Variants in KDM3A observed in about 807,000 individuals in gnomAD.
The protein encoded by KDM3A is lysine demethylase 3A.
Under a neutral mutation model 158.0 loss-of-function variants are expected in KDM3A, and 60 were observed. The ratio of observed to expected loss-of-function variants is 0.38; its 90% CI spans 0.31 to 0.47. The LOEUF (loss-of-function observed/expected upper bound fraction) is 0.47, where lower values mean the gene tolerates loss of function less well. KDM3A is among the 20% of genes least tolerant of loss of function. KDM3A has a pLI of 0.99. For synonymous variants in KDM3A, 608 were observed against 549.3 expected (o/e 1.11, Z -1.49); for missense variants, 1,319 against 1,574.3 (o/e 0.84, Z 2.74).
At chr2:86,470,611 C>CA (rs1483684426) in intron 11 of KDM3A, among the ~76,000 whole-genome samples, 1 of 151,906 alleles carries the variant, frequency 6.6e-6, no homozygotes, top group African/African-American at 2.4e-5. Context: ...TTTAAAGTAA[C>CA]AAAGCTTAAA....
chr2:86,486,414 C>G (rs1674183066), intron 21 of KDM3A, among the ~76,000 whole-genome samples: 1 of 152,158 alleles, frequency 6.6e-6, no homozygotes. Context: ...CCAGAGCTTT[C>G]TTTCATCATC....
At position 86,456,891 on chromosome 2, in the gene KDM3A, TTAA is replaced by T; in HGVS notation, c.754+15_754+17del. 2 of 1,599,208 alleles carry T rather than the reference TTAA, an allele frequency of 1.3e-6. No homozygotes were observed. The highest frequency in any genetic ancestry group is 1.7e-6 in the Non-Finnish European group (2 of 1,167,468). On this transcript the variant is annotated intron_variant, in intron 7 of 25. Coordinates refer to ENST00000312912, the MANE Select transcript of KDM3A (RefSeq NM_018433.6). Reference sequence around the variant, plus strand: ...TTGTGACATGTGGTAAGATATGTTATTAAAATCTTTCTTCTCCTTCCTCCTTTC... The same window carrying T: ...TTGTGACATGTGGTAAGATATGTTATAATCTTTCTTCTCCTTCCTCCTTTC...
intron 8 of KDM3A, among the ~76,000 whole-genome samples, chr2:86,458,537 T>C (rs1672798432): frequency 6.6e-6 from 1 of 152,192 alleles, no homozygotes; most frequent in Non-Finnish European, 1.5e-5. Context: ...GTCCTGGAGA[T>C]TGAAAGGTAT....
chr2:86,466,418 A>G lies in KDM3A; in HGVS notation c.1054A>G (p.Thr352Ala). Residue 352 changes from threonine (T) to alanine (A), a missense_variant, in exon 10 of 26, where the codon ACA (threonine) becomes GCA (alanine). This residue lies in a region of KDM3A where 652 missense variants were observed against 627.2 expected (regional missense o/e 1.04). Coordinates refer to ENST00000312912, the MANE Select transcript of KDM3A (RefSeq NM_018433.6). ...AGAGGAAATTTCTTCCTGTCTAAATACAAAGTCTGAAGCTCTGAGAACAAA... is the reference window on the plus strand; with the variant it reads ...AGAGGAAATTTCTTCCTGTCTAAATGCAAAGTCTGAAGCTCTGAGAACAAA... ...LPEEISSCLN[T>A]KSEALRTKPD... 2 of 1,613,542 alleles carry G rather than the reference A, an allele frequency of 1.2e-6. No homozygotes were observed. The highest frequency in any genetic ancestry group is 1.7e-6 in the Non-Finnish European group (2 of 1,179,682).
chr2:86,477,630 G>T (rs947704435), intron 12 of KDM3A, among the ~76,000 whole-genome samples: 1 of 152,036 alleles, frequency 6.6e-6, no homozygotes, highest in Non-Finnish European at 1.5e-5. Context: ...CCTAGAGGGA[G>T]GTGAGACTGT....
chr2:86,460,029 T>C (rs1212713046), intron 8 of KDM3A, among the ~76,000 whole-genome samples: 5 of 152,200 alleles, frequency 3.3e-5, no homozygotes, highest in Non-Finnish European at 5.9e-5. Context: ...GAAAATATTT[T>C]TTTGATTGTG....
chr2:86,466,506 A>C lies in KDM3A; in HGVS notation c.1142A>C (p.Lys381Thr), dbSNP rs778777353. ...TCTCAGATTGGAACTGGAGACTTGA[A>C]AATTCTGACTGAGCCAAAAGGCAGC... ...KSSQIGTGDL[K>T]ILTEPKGSCT... Residue 381 changes from lysine to threonine, a missense_variant, in exon 10 of 26, where the codon AAA becomes ACA. Lys to Thr is a moderately conservative substitution (Grantham distance 78). Coordinates refer to ENST00000312912, the MANE Select transcript of KDM3A (RefSeq NM_018433.6). The C allele has an allele frequency of 9.3e-6, 15 of 1,613,980 alleles. No individual in the cohort carries two copies. Among genetic ancestry groups the C allele is most frequent in the Non-Finnish European group, 1.3e-5 (15 of 1,179,872 alleles).
At chr2:86,447,479 G>A (rs190964699) in intron 2 of KDM3A, among the ~76,000 whole-genome samples, 1 of 147,772 alleles carries the variant, frequency 6.8e-6, no homozygotes, top group East Asian at 2.0e-4. Context: ...TTGCTGAATA[G>A]ATATTAGATA....
intron 11 of KDM3A, among the ~76,000 whole-genome samples, 168 bp downstream of exon 11, chr2:86,470,576 C>T (rs188356844): frequency 2.4e-4 from 36 of 152,234 alleles, no homozygotes; most frequent in Non-Finnish European, 2.9e-5. Flanking sequence ...TTGCATGTTA[C>T]TTTTCATTCT....
At chr2:86,483,869 T>C in intron 18 of KDM3A, 118 bp from the exon 19 acceptor site, 1 of 817,324 alleles carries the variant, frequency 1.2e-6, no homozygotes, top group Non-Finnish European at 1.9e-6. Context: ...CATCACCATC[T>C]GAGACGGAGC....
rs1052540616 is a variant in KDM3A, at chr2:86,441,389, G to T, written c.-86G>T. The T allele has an allele frequency of 6.6e-6, 1 of 152,352 alleles. No homozygotes were observed. The highest frequency in any genetic ancestry group is 2.4e-5 in the African/African-American group (1 of 41,458). 9.4% of individuals were successfully genotyped at this position (152,352 alleles called of 1,614,324 possible). ...TTGAACCAAGTCAGCGCTGGAGTCG[G>T]CTAGGCGGCTGGAAACGGCGGCTGC... On this transcript the variant is annotated 5_prime_UTR_variant, in exon 1 of 26. Transcript: ENST00000312912.
At position 86,463,387 on chromosome 2, in the gene KDM3A, T is replaced by TA. The variant is rs555494428; in HGVS notation, c.844-663dup. On this transcript the variant is annotated intron_variant, in intron 8 of 25. Transcript: ENST00000312912. ...GGGAAGTTTATTTTTGTGAATGGTA[T>TA]AAACTGTTAAGAAGTTGATTCAATA... 4.1e-5 allele frequency among the ~76,000 whole-genome samples: 6 copies of TA among 147,882 alleles called. No homozygotes were observed. In the South Asian group the frequency reaches 1.3e-3, roughly 32 times the overall value.
At chr2:86,446,816 C>T (rs921559393) in intron 2 of KDM3A, among the ~76,000 whole-genome samples, 2 of 152,078 alleles carry the variant, frequency 1.3e-5, no homozygotes, top group Non-Finnish European at 2.9e-5. Context: ...ATGAAAGATG[C>T]TTTGTTTTTT....
upstream of KDM3A, among the ~76,000 whole-genome samples, chr2:86,439,871 C>T (rs1682592661): frequency 6.6e-6 from 1 of 152,036 alleles, no homozygotes; most frequent in African/African-American, 2.4e-5. Flanking sequence ...ATTTGGCTAC[C>T]ATTTGATTAA....
Position 86,492,168 on chromosome 2 carries a change from A to T in KDM3A, c.*49A>T. The T allele has an allele frequency of 7.3e-7, 1 of 1,373,060 alleles. No homozygotes were observed. 85.1% of individuals were successfully genotyped at this position (1,373,060 alleles called of 1,614,324 possible). A position where few individuals can be genotyped will look rare whatever the true frequency, so the allele number is the denominator to read the frequency against. ...TTACAGGCAGCTGTTCAAACTCTTC[A>T]GGCAGGATTCCTGTGGACTTTGAGA... On this transcript the variant is annotated 3_prime_UTR_variant, in exon 26 of 26. Transcript: ENST00000312912.
chr2:86,479,972 A>G (rs1187113461), intron 15 of KDM3A, 195 bp from the exon 16 acceptor site: 12 of 590,766 alleles, frequency 2.0e-5, no homozygotes, highest in Non-Finnish European at 3.0e-5. Context: ...TAAGTTGCTG[A>G]CATCTCTCCT....
At chr2:86,446,036 A>G (rs925340368) in intron 2 of KDM3A, among the ~76,000 whole-genome samples, 2 of 152,210 alleles carry the variant, frequency 1.3e-5, no homozygotes, top group African/African-American at 4.8e-5. Flanking sequence ...TAGTCAGGTG[A>G]GATGAGAGTA....
rs1197679524 is a variant in KDM3A, at chr2:86,474,944, A to C, written c.1893A>C (p.Gln631His). The C allele has an allele frequency of 6.2e-7, 1 of 1,614,096 alleles. No homozygotes were observed. The highest frequency in any genetic ancestry group is 2.2e-5 in the East Asian group (1 of 44,866). The change falls in exon 12 of 26, where the codon CAA (glutamine) becomes CAC (histidine). Residue 631 changes from glutamine (Q) to histidine (H), a missense_variant. Transcript: ENST00000312912. ...ILANIGDHFC[Q>H]MVISEKEAMS... Reference sequence around the variant, plus strand: ...CCAACATTGGAGACCACTTCTGTCAAATGGTGATTTCTGAAAAGGAAGCTA... The same window carrying C: ...CCAACATTGGAGACCACTTCTGTCACATGGTGATTTCTGAAAAGGAAGCTA...
In KDM3A at chr2:86,457,061, C is replaced by G; in HGVS notation, c.833C>G (p.Ser278Cys). 2 of 1,586,230 alleles carry G rather than the reference C, an allele frequency of 1.3e-6. No individual in the cohort carries two copies. The highest frequency in any genetic ancestry group is 8.6e-7 in the Non-Finnish European group (1 of 1,161,810). The change falls in exon 8 of 26, where the codon TCT becomes TGT. Residue 278 changes from serine to cysteine, a missense_variant. This residue lies in a region of KDM3A where 652 missense variants were observed against 627.2 expected (regional missense o/e 1.04). Transcript: ENST00000312912. ...ACCCTGGTTTCCAAACAAGCAAAAT[C>G]TTGCTCTGAGGTAACCTTTATTTAT... ...NGTLVSKQAK[S>C]CSEASPSMCP...
Sources: allele counts gnomAD v4.1 joint callset (sites outside exome capture counted in the v4.1 genomes callset), GRCh38; gene constraint gnomAD v4.1.1; regional missense constraint gnomAD v4.1.1; transcripts MANE v1.5; gene names NCBI Gene and HGNC (gene_info 2026-07-23, HGNC 2026-07-21).